HEYL: variants seen among roughly 807,000 people sequenced by gnomAD.
HEYL encodes the protein hairy/enhancer-of-split related with YRPW motif-like protein.
In HEYL, 12 loss-of-function variants were observed where a neutral mutation model predicts 18.6. That is an observed-to-expected ratio of 0.65 (90% confidence interval 0.41 to 1.05). The LOEUF (loss-of-function observed/expected upper bound fraction) is 1.05. Ranked by LOEUF, HEYL falls within the 50% of genes least tolerant of loss-of-function variation. The pLI is 0.00. For missense variants in HEYL, 420 were observed against 444.7 expected, an observed-to-expected ratio of 0.94 and a Z score of 0.50; for synonymous variants, 159 against 179.6, an observed-to-expected ratio of 0.89 and a Z score of 0.91.
Position 39,625,821 on chromosome 1 carries a change from G to C in HEYL, c.*686C>G, listed in dbSNP as rs1646293578. On this transcript the variant is annotated 3_prime_UTR_variant, in exon 5 of 5. Transcript: ENST00000372852. ...GTTTACCAGGCCAGCTGTGTGCAGGGACCTGTTAGTCAGTGAGAGGGTGGG... is the reference window on the plus strand; with the variant it reads ...GTTTACCAGGCCAGCTGTGTGCAGGCACCTGTTAGTCAGTGAGAGGGTGGG... 6.6e-6 allele frequency: 1 copy of C among 152,536 alleles called. No homozygotes were observed. The allele number at this position is 152,536 out of a possible 1,614,324, so 9.4% of individuals were successfully genotyped here.
At chr1:39,634,029 A>AG (rs1646350256) in intron 1 of HEYL, 1 of 152,318 alleles carries the variant, frequency 6.6e-6, no homozygotes, top group South Asian at 2.1e-4. Context: ...CTGCAGGCAG[A>AG]GTGATCATTG....
In HEYL at chr1:39,626,545, A is replaced by G. The variant is rs1418426173; in HGVS notation, c.949T>C (p.Ser317Pro). ...GRPAGAMLYH[S>P]WVSEITEIGA... ...ATTTCAGTGATTTCAGAGACCCAGGAGTGGTAGAGCATGGCTCCCGCTGGC... is the reference window on the plus strand; with the variant it reads ...ATTTCAGTGATTTCAGAGACCCAGGGGTGGTAGAGCATGGCTCCCGCTGGC... The change falls in exon 5 of 5, where the codon TCC (serine) becomes CCC (proline). Residue 317 changes from serine (S) to proline (P), a missense_variant. Coordinates refer to ENST00000372852, the MANE Select transcript of HEYL (RefSeq NM_014571.4). The G allele has an allele frequency of 1.3e-6, 2 of 1,547,412 alleles. No individual in the cohort carries two copies. Among genetic ancestry groups the G allele is most frequent in the Non-Finnish European group, 1.7e-6 (2 of 1,145,632 alleles).
chr1:39,634,923 C>T (rs964193780), intron 1 of HEYL, among the ~76,000 whole-genome samples: 2 of 152,138 alleles, frequency 1.3e-5, no homozygotes, highest in Non-Finnish European at 2.9e-5. Context: ...CACTGGGGAA[C>T]AGAGATGTAA....
chr1:39,635,491 C>T (rs1428500523), intron 1 of HEYL, among the ~76,000 whole-genome samples: 5 of 152,212 alleles, frequency 3.3e-5, no homozygotes, highest in Non-Finnish European at 7.3e-5. Flanking sequence ...TTCCTTTTTC[C>T]AATCTCCTGG....
chr1:39,639,403 A>C (rs1167321810), intron 1 of HEYL, 143 bp downstream of exon 1: 2 of 580,016 alleles, frequency 3.4e-6, no homozygotes, highest in Non-Finnish European at 5.8e-6. Context: ...CACGCCCCCT[A>C]CGCCGACACC....
rs750193277 is a variant in HEYL at position 39,625,068 on chromosome 1, GTGAAC to G, written c.*1434_*1438del. ...TCTAACCAGTGTGGAATGAGCACCA[GTGAAC>G]TGCTGGCTCTGGGACTCCACAGCCT... On this transcript the variant is annotated 3_prime_UTR_variant, in exon 5 of 5. Transcript: ENST00000372852. The G allele has an allele frequency of 6.6e-6, 1 of 152,234 alleles. No individual in the cohort carries two copies. Among genetic ancestry groups the G allele is most frequent in the Non-Finnish European group, 1.5e-5 (1 of 68,052 alleles). 9.4% of individuals were successfully genotyped at this position (152,234 alleles called of 1,614,324 possible).
chr1:39,626,408 G>C lies in HEYL; in HGVS notation c.*99C>G. On this transcript the variant is annotated 3_prime_UTR_variant, in exon 5 of 5. Coordinates refer to ENST00000372852, the MANE Select transcript of HEYL (RefSeq NM_014571.4). Reference sequence around the variant, plus strand: ...CTGGAGAACGTGCCTTCACATATGAGCCAGTCCATGAAGCAAAGCAGAAAA... The same window carrying C: ...CTGGAGAACGTGCCTTCACATATGACCCAGTCCATGAAGCAAAGCAGAAAA... 8.8e-7 allele frequency: 1 copy of C among 1,130,642 alleles called. No individual in the cohort carries two copies. The highest frequency in any genetic ancestry group is 1.2e-6 in the Non-Finnish European group (1 of 816,148). The allele number at this position is 1,130,642 out of a possible 1,614,324, so 70.0% of individuals were successfully genotyped here.
Position 39,626,650 on chromosome 1 carries a change from T to C in HEYL, c.844A>G (p.Thr282Ala), listed in dbSNP as rs992564845. The change falls in exon 5 of 5, where the codon ACA becomes GCA. Residue 282 changes from threonine to alanine, a missense_variant. By Grantham distance (58) the Thr-to-Ala change is moderately conservative (BLOSUM62 0). Coordinates refer to ENST00000372852, the MANE Select transcript of HEYL (RefSeq NM_014571.4). The stretch of plus-strand genomic sequence containing the variant: ...GCCGACCCTGTAGGACCAGGGGGTG[T>C]TGGGGAGGAAGACTGCAGGAGGGGA... ...IAPLLQSSSP[T>A]PPGPTGSAAY... 12 of 1,531,356 alleles carry C rather than the reference T, an allele frequency of 7.8e-6. No homozygotes were observed. Among genetic ancestry groups the C allele is most frequent in the African/African-American group, 2.8e-5 (2 of 72,432 alleles). The allele number at this position is 1,531,356 out of a possible 1,614,324, so 94.9% of individuals were successfully genotyped here.
intron 3 of HEYL, 26 bp downstream of exon 3, chr1:39,631,470 C>T (rs772415884): frequency 6.2e-7 from 1 of 1,606,346 alleles, no homozygotes; most frequent in Non-Finnish European, 8.5e-7. Context: ...AGTATTTCCT[C>T]TAGCACAATC....
intron 1 of HEYL, among the ~76,000 whole-genome samples, chr1:39,636,948 T>G (rs1044183854): frequency 6.6e-6 from 1 of 152,268 alleles, no homozygotes; most frequent in African/African-American, 2.4e-5. Flanking sequence ...ACTTTATGTA[T>G]GTTACTTCAT....
At position 39,624,286 on chromosome 1, in the gene HEYL, A is replaced by G. The variant is rs1363078174; in HGVS notation, c.*2221T>C. ...GTCCTTGACCACAGAATCAGATCAC[A>G]CAGTCACCTTTCCTTCCACAATATC... On this transcript the variant is annotated 3_prime_UTR_variant, in exon 5 of 5. Transcript: ENST00000372852. 6.6e-6 allele frequency: 1 copy of G among 152,294 alleles called. No homozygotes were observed. The highest frequency in any genetic ancestry group is 2.4e-5 in the African/African-American group (1 of 41,468). 9.4% of individuals were successfully genotyped at this position (152,294 alleles called of 1,614,324 possible). A position where few individuals can be genotyped will look rare whatever the true frequency, so the allele number is the denominator to read the frequency against.
At chr1:39,631,040 G>T (rs962786422) in intron 3 of HEYL, among the ~76,000 whole-genome samples, 1 of 152,180 alleles carries the variant, frequency 6.6e-6, no homozygotes, top group Non-Finnish European at 1.5e-5. Flanking sequence ...CTGATTCCCC[G>T]CTGTAGTTCC....
chr1:39,632,536 A>C, intron 2 of HEYL, 113 bp downstream of exon 2: 1 of 943,788 alleles, frequency 1.1e-6, no homozygotes, highest in South Asian at 1.6e-5. Context: ...ATTTGAACCC[A>C]AGCAGTTAGC....
chr1:39,628,109 G>A (rs945569771), intron 4 of HEYL, among the ~76,000 whole-genome samples: 5 of 152,158 alleles, frequency 3.3e-5, no homozygotes, highest in African/African-American at 1.2e-4. Flanking sequence ...GTCTCATGAC[G>A]ATGGCAGCAA....
rs771597427 is a variant in HEYL, at chr1:39,626,605, TG to T, written c.888del (p.Thr297ProfsTer69). ...PTGSAAYVAV[P>X]TPNSSSPGPA... ...GGCCCTGGGGAGGATGAGTTGGGGG[TG>T]GGAACAGCCACGTAAGCAGCCGACC... On this transcript the variant is annotated frameshift_variant, in exon 5 of 5. Coordinates refer to ENST00000372852, the MANE Select transcript of HEYL (RefSeq NM_014571.4). LOFTEE classifies it high-confidence loss of function. 12 of 1,552,382 alleles carry T rather than the reference TG, an allele frequency of 7.7e-6. No individual in the cohort carries two copies. The African/African-American group carries it at 1.5e-4, about 20-fold the overall frequency.
rs372879677 is a variant in HEYL, at chr1:39,630,237, A to C, written c.303T>G (p.Thr101=). The stretch of plus-strand genomic sequence containing the variant: ...GAAGAGCATGGGTACCTGTCCCACC[A>C]GTGGCATGGAGCATTTTCAAGTGAT... ...TVDHLKMLHA[T]GGTGFFDARA... Residue 101 remains threonine, a synonymous_variant, in exon 4 of 5, where the codon ACT becomes ACG. Transcript: ENST00000372852. 9.9e-6 allele frequency: 16 copies of C among 1,613,754 alleles called. No individual in the cohort carries two copies. The African/African-American group carries it at 2.1e-4, about 22-fold the overall frequency.
intron 1 of HEYL, among the ~76,000 whole-genome samples, chr1:39,638,022 G>A (rs1463172137): frequency 2.0e-5 from 3 of 152,124 alleles, no homozygotes; most frequent in Non-Finnish European, 2.9e-5. Context: ...TTGAGACCCC[G>A]CTCCACCACC....
At position 39,623,566 on chromosome 1, in the gene HEYL, A is replaced by T. The variant is rs1436968404; in HGVS notation, c.*2941T>A. 6.6e-6 allele frequency among the ~76,000 whole-genome samples: 1 copy of T among 152,272 alleles called. No homozygotes were observed. The highest frequency in any genetic ancestry group is 2.4e-5 in the African/African-American group (1 of 41,478). ...GAGCTTACACTCGAGTGGGAGGCAC[A>T]GTCAACCAACAAGTAAATTACACAA... On this transcript the variant is annotated 3_prime_UTR_variant, in exon 5 of 5. Coordinates refer to ENST00000372852, the MANE Select transcript of HEYL (RefSeq NM_014571.4).
chr1:39,633,472 C>T (rs1482431415), intron 1 of HEYL: 1 of 152,280 alleles, frequency 6.6e-6, no homozygotes, highest in Non-Finnish European at 1.5e-5. Flanking sequence ...AACCCTTCTT[C>T]AGGTTTTCTG....
Sources: gnomAD v4.1 joint callset for allele counts (sites outside exome capture counted in the v4.1 genomes callset) on GRCh38, gnomAD v4.1.1 for gene constraint, MANE v1.5 for transcripts, NCBI Gene and HGNC (gene_info 2026-07-23, HGNC 2026-07-21) for gene names.